CTNNA2: variants seen among roughly 807,000 people sequenced by gnomAD.
CTNNA2 encodes catenin alpha 2, also known as catenin alpha-2.
CTNNA2 carries 42 observed loss-of-function variants against 101.0 expected under a neutral mutation model. The observed-to-expected ratio is 0.42, with a 90% CI of 0.32 to 0.54. CTNNA2 has a LOEUF of 0.54. CTNNA2 is among the 20% of genes least tolerant of loss of function. The probability of loss-of-function intolerance (pLI) is 0.14; values close to 1 mark genes in which losing one functional copy is unlikely to be tolerated. For missense variants in CTNNA2, 871 were observed against 1,223.1 expected, an observed-to-expected ratio of 0.71 and a Z score of 4.29; for synonymous variants, 450 against 456.4, an observed-to-expected ratio of 0.99 and a Z score of 0.18.
At chr2:79,367,823 A>G (rs1044311656) in intron 3 of CTNNA2, among the ~76,000 whole-genome samples, 1 of 152,210 alleles carries the variant, frequency 6.6e-6, no homozygotes, top group African/African-American at 2.4e-5. Flanking sequence ...AGGGCTAAGC[A>G]ATTTACATGG....
chr2:80,515,694 T>C (rs1287728025), intron 9 of CTNNA2, among the ~76,000 whole-genome samples: 10 of 152,234 alleles, frequency 6.6e-5, no homozygotes, highest in Non-Finnish European at 1.5e-4. Context: ...ATTCACCACA[T>C]GAGCTCAGAT....
At chr2:80,357,455 C>T (rs554957490) in intron 7 of CTNNA2, among the ~76,000 whole-genome samples, 45 of 152,050 alleles carry the variant, frequency 3.0e-4, no homozygotes, top group African/African-American at 1.1e-3. Flanking sequence ...GAAGTCTTTT[C>T]GATATCCTCA....
Position 79,196,667 on chromosome 2 carries a change from C to G in CTNNA2, c.-523-1292C>G, listed in dbSNP as rs13390523. ...ATAAAGCATTGAATAACATTAAGAC[C>G]TTTGTAGAGGTTTCTCTAAAATATT... On this transcript the variant is annotated intron_variant, in intron 1 of 21. Transcript: ENST00000466387. Among the ~76,000 whole-genome samples the G allele has an allele frequency of 2.0e-3, 297 of 152,262 alleles. 2 individuals are homozygous for G. Among genetic ancestry groups the G allele is most frequent in the African/African-American group, 6.6e-3 (275 of 41,530 alleles).
intron 7 of CTNNA2, among the ~76,000 whole-genome samples, chr2:80,002,385 G>A (rs73940907): frequency 0.029 from 4,449 of 152,236 alleles, 224 homozygotes; most frequent in African/African-American, 0.1. Flanking sequence ...GCTCAGTCAG[G>A]TCTGAGAGAA....
intron 7 of CTNNA2, among the ~76,000 whole-genome samples, chr2:80,100,670 C>T (rs1700486075): frequency 6.6e-6 from 1 of 152,190 alleles, no homozygotes; most frequent in South Asian, 2.1e-4. Flanking sequence ...CGGCATAGTG[C>T]CCAGCTCAAG....
At chr2:80,024,362 G>A (rs1373561358) in intron 7 of CTNNA2, among the ~76,000 whole-genome samples, 1 of 152,154 alleles carries the variant, frequency 6.6e-6, no homozygotes, top group African/African-American at 2.4e-5. Context: ...GATTAGAACA[G>A]GCTTATTGGG....
chr2:79,692,425 G>T (rs1294599328), intron 2 of CTNNA2, among the ~76,000 whole-genome samples: 2 of 152,114 alleles, frequency 1.3e-5, no homozygotes, highest in Non-Finnish European at 2.9e-5. Flanking sequence ...GTTGGTAGAA[G>T]TATAAATTAG....
At position 79,795,295 on chromosome 2, in the gene CTNNA2, G is replaced by A. The variant is rs567203332; in HGVS notation, c.298+50713G>A. 4.2e-4 allele frequency among the ~76,000 whole-genome samples: 64 copies of A among 152,040 alleles called. 3 individuals are homozygous for A. The South Asian group carries it at 0.012, about 29-fold the overall frequency. The stretch of plus-strand genomic sequence containing the variant: ...ATATTATGTTATTAAAGATTCTTAC[G>A]TAATTTGTGTTGTGTTGAGACTAAT... On this transcript the variant is annotated intron_variant, in intron 3 of 18. Coordinates refer to ENST00000402739, the MANE Select transcript of CTNNA2 (RefSeq NM_001282597.3).
At chr2:79,950,269 C>A (rs1432366476) in intron 7 of CTNNA2, among the ~76,000 whole-genome samples, 3 of 151,948 alleles carry the variant, frequency 2.0e-5, no homozygotes, top group Non-Finnish European at 4.4e-5. Flanking sequence ...AATATTTGTC[C>A]CTTTCTGTAA....
At position 80,641,481 on chromosome 2, in the gene CTNNA2, C is replaced by T. The variant is rs144842648; in HGVS notation, c.2575-6104C>T. ...TCAAATCCTAATTCTCTTCTTTAATCGTATGCCCGGCCTCCACAAGTTAAC... is the reference window on the plus strand; with the variant it reads ...TCAAATCCTAATTCTCTTCTTTAATTGTATGCCCGGCCTCCACAAGTTAAC... On this transcript the variant is annotated intron_variant, in intron 18 of 18. Transcript: ENST00000402739. 1.6e-3 allele frequency among the ~76,000 whole-genome samples: 239 copies of T among 152,258 alleles called. 1 individual carries two copies. The highest frequency in any genetic ancestry group is 2.3e-3 in the Non-Finnish European group (154 of 68,000).
At chr2:80,089,886 C>T (rs1282989575) in intron 7 of CTNNA2, among the ~76,000 whole-genome samples, 1 of 152,028 alleles carries the variant, frequency 6.6e-6, no homozygotes, top group Non-Finnish European at 1.5e-5. Context: ...CTAGGGCCCT[C>T]CAAGCTGGAG....
chr2:80,462,631 CTT>C (rs753815778), intron 9 of CTNNA2, among the ~76,000 whole-genome samples: 7 of 94,758 alleles, frequency 7.4e-5, no homozygotes, highest in South Asian at 8.4e-4. Context: ...TTCTTTCTTT[CTT>C]TTTTTTTTTT....
chr2:79,207,209 C>A (rs534576578), intron 2 of CTNNA2, among the ~76,000 whole-genome samples: 1 of 152,256 alleles, frequency 6.6e-6, no homozygotes, highest in South Asian at 2.1e-4. Flanking sequence ...CACTTTTGTC[C>A]TGGGAGTATT....
At chr2:80,358,285 T>C (rs1257855981) in intron 7 of CTNNA2, among the ~76,000 whole-genome samples, 4 of 151,882 alleles carry the variant, frequency 2.6e-5, no homozygotes, top group African/African-American at 9.7e-5. Flanking sequence ...ATGTAATAGA[T>C]ATCAAAATAT....
chr2:79,821,045 G>A (rs1419251775), intron 3 of CTNNA2, among the ~76,000 whole-genome samples: 1 of 151,830 alleles, frequency 6.6e-6, no homozygotes, highest in Non-Finnish European at 1.5e-5. Context: ...CCTAATAATG[G>A]CACAAAAATT....
At chr2:80,174,215 T>A (rs2148967741) in intron 7 of CTNNA2, among the ~76,000 whole-genome samples, 1 of 152,330 alleles carries the variant, frequency 6.6e-6, no homozygotes, top group South Asian at 2.1e-4. Flanking sequence ...TTTCTCTAAT[T>A]CCCATACATA....
At chr2:80,248,150 T>G (rs911017656) in intron 7 of CTNNA2, among the ~76,000 whole-genome samples, 2 of 152,128 alleles carry the variant, frequency 1.3e-5, no homozygotes, top group Non-Finnish European at 2.9e-5. Context: ...CTGCCTTTAT[T>G]ATTTAAGAAA....
intron 4 of CTNNA2, among the ~76,000 whole-genome samples, chr2:79,380,601 C>T (rs1399385020): frequency 6.6e-6 from 1 of 152,084 alleles, no homozygotes; most frequent in Admixed American, 6.5e-5. Context: ...TTTTATTTTT[C>T]CTTTTCTTCA....
intron 7 of CTNNA2, among the ~76,000 whole-genome samples, chr2:80,149,572 C>T (rs1237497010): frequency 6.6e-6 from 1 of 152,118 alleles, no homozygotes; most frequent in East Asian, 1.9e-4. Context: ...GTGCTCCAGG[C>T]ATTAGGCCAT....
Sources: allele counts gnomAD v4.1 joint callset (sites outside exome capture counted in the v4.1 genomes callset), GRCh38; gene constraint gnomAD v4.1.1; transcripts MANE v1.5; gene names NCBI Gene and HGNC (gene_info 2026-07-23, HGNC 2026-07-21).